Variants in MGAT4C observed in about 807,000 individuals in gnomAD.
MGAT4C encodes the protein MGAT4 family member C.
MGAT4C carries 19 observed loss-of-function variants against 40.1 expected under a neutral mutation model. The observed-to-expected ratio is 0.47, with a 90% CI of 0.33 to 0.70. The LOEUF (loss-of-function observed/expected upper bound fraction) is 0.70. Ranked by LOEUF, MGAT4C falls within the 30% of genes least tolerant of loss-of-function variation. The pLI, the probability that MGAT4C is intolerant of heterozygous loss-of-function variation, is 0.02. For synonymous variants in MGAT4C, 181 were observed against 187.1 expected, an observed-to-expected ratio of 0.97 and a Z score of 0.27; for missense variants, 491 against 563.2, an observed-to-expected ratio of 0.87 and a Z score of 1.30.
chr12:86,288,586 C>T (rs1478502974), intron 4 of MGAT4C, among the ~76,000 whole-genome samples: 5 of 152,070 alleles, frequency 3.3e-5, no homozygotes, highest in African/African-American at 1.2e-4. Context: ...TTTCCCAACA[C>T]CATTTATTAA....
At chr12:86,665,283 T>C (rs972662234) in intron 2 of MGAT4C, among the ~76,000 whole-genome samples, 1 of 152,220 alleles carries the variant, frequency 6.6e-6, no homozygotes, top group Non-Finnish European at 1.5e-5. Flanking sequence ...AGTCCTTTTC[T>C]TCTCTACAAT....
intron 1 of MGAT4C, among the ~76,000 whole-genome samples, chr12:86,809,162 G>A (rs1234222265): frequency 6.6e-6 from 1 of 152,104 alleles, no homozygotes; most frequent in Non-Finnish European, 1.5e-5. Flanking sequence ...TTCATCCCAT[G>A]TTCATGGATA....
At chr12:86,571,421 GA>G (rs552190543) in intron 2 of MGAT4C, among the ~76,000 whole-genome samples, 10 of 151,766 alleles carry the variant, frequency 6.6e-5, no homozygotes, top group African/African-American at 1.9e-4. Flanking sequence ...ATATATATAT[GA>G]AAAAAATGTA....
intron 3 of MGAT4C, among the ~76,000 whole-genome samples, chr12:86,339,542 C>T (rs937935253): frequency 3.3e-5 from 5 of 152,146 alleles, no homozygotes; most frequent in African/African-American, 1.2e-4. Flanking sequence ...TTTGATCACT[C>T]AATCTTCTAA....
At chr12:86,513,503 C>T (rs922306972) in intron 2 of MGAT4C, among the ~76,000 whole-genome samples, 1 of 152,134 alleles carries the variant, frequency 6.6e-6, no homozygotes, top group African/African-American at 2.4e-5. Context: ...GCTGGCAGAA[C>T]AGAGTCCAAA....
intron 4 of MGAT4C, among the ~76,000 whole-genome samples, chr12:86,322,124 C>G (rs1419473129): frequency 6.7e-6 from 1 of 149,578 alleles, no homozygotes; most frequent in Non-Finnish European, 1.5e-5. Context: ...ATCACAAGGA[C>G]AGAAAACCAA....
At chr12:86,366,009 C>T (rs1035759662) in intron 3 of MGAT4C, among the ~76,000 whole-genome samples, 4 of 152,122 alleles carry the variant, frequency 2.6e-5, no homozygotes, top group African/African-American at 9.7e-5. Context: ...ATTGATTCTT[C>T]CAATCCATGA....
chr12:86,673,823 G>GA (rs1030401205), intron 2 of MGAT4C, among the ~76,000 whole-genome samples: 6 of 149,162 alleles, frequency 4.0e-5, no homozygotes, highest in South Asian at 4.2e-4. Flanking sequence ...ATGGATCTGA[G>GA]AAAAAAAAAC....
intron 1 of MGAT4C, among the ~76,000 whole-genome samples, chr12:86,176,536 ATC>A (rs1887455172): frequency 6.6e-6 from 1 of 152,064 alleles, no homozygotes; most frequent in Non-Finnish European, 1.5e-5. Context: ...TCAGAAACGT[ATC>A]TGGCAATTTG....
intron 1 of MGAT4C, among the ~76,000 whole-genome samples, chr12:86,755,650 C>T (rs1446888722): frequency 2.7e-5 from 4 of 148,408 alleles, no homozygotes; most frequent in South Asian, 2.1e-4. Context: ...TTCTTTCCTA[C>T]CTTCCTTTCT....
intron 1 of MGAT4C, among the ~76,000 whole-genome samples, chr12:86,094,109 T>C (rs542019969): frequency 3.3e-5 from 5 of 152,182 alleles, no homozygotes; most frequent in African/African-American, 1.2e-4. Context: ...AAACAGGTAA[T>C]GTGTTGATGC....
At chr12:86,512,319 A>G (rs1252052734) in intron 2 of MGAT4C, among the ~76,000 whole-genome samples, 1 of 152,134 alleles carries the variant, frequency 6.6e-6, no homozygotes, top group Non-Finnish European at 1.5e-5. Context: ...GGGAAAGTAA[A>G]TTGGTGCAAC....
chr12:86,793,776 A>T (rs1247335013), intron 1 of MGAT4C, among the ~76,000 whole-genome samples: 1 of 152,046 alleles, frequency 6.6e-6, no homozygotes, highest in Non-Finnish European at 1.5e-5. Context: ...TGAACAATAA[A>T]TGATTAGAGA....
chr12:86,296,398 G>A (rs1953677836), intron 4 of MGAT4C, among the ~76,000 whole-genome samples: 1 of 152,292 alleles, frequency 6.6e-6, no homozygotes, highest in African/African-American at 2.4e-5. Context: ...CGTGCCATGC[G>A]CTCGCACTCC....
At chr12:86,682,275 T>G (rs1388458992) in intron 2 of MGAT4C, among the ~76,000 whole-genome samples, 3 of 152,092 alleles carry the variant, frequency 2.0e-5, no homozygotes, top group Admixed American at 2.0e-4. Context: ...AAATTTAATT[T>G]TATTAGATGC....
In MGAT4C at chr12:85,983,386, G is replaced by C. The variant is rs1884843778; in HGVS notation, c.295+137C>G. 4.9e-6 allele frequency: 4 copies of C among 809,180 alleles called. No homozygotes were observed. The South Asian group carries it at 1.1e-4, about 23-fold the overall frequency. The allele number at this position is 809,180 out of a possible 1,614,324, so 50.1% of individuals were successfully genotyped here. The stretch of plus-strand genomic sequence containing the variant: ...AGTATAGTAGTTGGCAATTTGTGAA[G>C]AAACATTGAAGTTTTGCCCAAATAA... On this transcript the variant is annotated intron_variant, in intron 4 of 4. Transcript: ENST00000611864.
At chr12:86,690,363 G>A (rs1050762548) in intron 2 of MGAT4C, among the ~76,000 whole-genome samples, 10 of 152,238 alleles carry the variant, frequency 6.6e-5, no homozygotes, top group Non-Finnish European at 1.5e-4. Flanking sequence ...ACTGGGGTAC[G>A]AAAAAGACTC....
intron 3 of MGAT4C, among the ~76,000 whole-genome samples, chr12:86,383,991 C>T (rs1956004203): frequency 6.6e-6 from 1 of 152,070 alleles, no homozygotes; most frequent in Non-Finnish European, 1.5e-5. Context: ...TGGGGCAGGT[C>T]TTTCCCATGC....
chr12:86,122,300 CT>C (rs1879494513), intron 1 of MGAT4C, among the ~76,000 whole-genome samples: 1 of 152,032 alleles, frequency 6.6e-6, no homozygotes, highest in Admixed American at 6.6e-5. Flanking sequence ...AAAATGTGCT[CT>C]TTTTCGGTTA....
Sources: allele counts gnomAD v4.1 joint callset (sites outside exome capture counted in the v4.1 genomes callset), GRCh38; gene constraint gnomAD v4.1.1; transcripts MANE v1.5; gene names NCBI Gene and HGNC (gene_info 2026-07-23, HGNC 2026-07-21).